The following ZMAT4 variants were observed in gnomAD, a reference collection of about 807,000 sequenced individuals.
ZMAT4 encodes the protein zinc finger matrin-type 4, also known as zinc finger matrin-type protein 4.
In ZMAT4, 17 loss-of-function variants were observed where a neutral mutation model predicts 28.7. The ratio of observed to expected loss-of-function variants is 0.59; its 90% CI spans 0.41 to 0.89. The LOEUF (loss-of-function observed/expected upper bound fraction) is 0.89. Ranked by LOEUF, ZMAT4 falls within the 40% of genes least tolerant of loss-of-function variation. The pLI is 0.00. For synonymous variants in ZMAT4, 117 were observed against 109.2 expected (o/e 1.07, Z -0.44); for missense variants, 240 against 283.8 (o/e 0.85, Z 1.11).
rs1330598231 is a variant in ZMAT4, at chr8:40,770,529, C to T, written c.103-2799G>A. 1.0e-4 allele frequency among the ~76,000 whole-genome samples: 15 copies of T among 146,146 alleles called. No homozygotes were observed. In the Admixed American group the frequency reaches 1.0e-3, roughly 10 times the overall value. On this transcript the variant is annotated intron_variant, in intron 2 of 6. Transcript: ENST00000297737. ...CCCTCCCTCCCTCCCTTTCTTCCTC[C>T]CTTTCTTTCTTTCTCTCTCATTTTT...
At chr8:40,709,992 C>T (rs1436288641) in intron 3 of ZMAT4, among the ~76,000 whole-genome samples, 3 of 145,754 alleles carry the variant, frequency 2.1e-5, no homozygotes, top group Admixed American at 1.4e-4. Flanking sequence ...GAGCCGAGAT[C>T]GTGCCATTGC....
At chr8:40,835,301 A>G (rs1016986128) in intron 1 of ZMAT4, among the ~76,000 whole-genome samples, 1 of 152,112 alleles carries the variant, frequency 6.6e-6, no homozygotes, top group Admixed American at 6.5e-5. Flanking sequence ...GGAATAAAAC[A>G]TGCTCCTTAT....
At chr8:40,809,180 T>C (rs1815216410) in intron 2 of ZMAT4, among the ~76,000 whole-genome samples, 1 of 152,212 alleles carries the variant, frequency 6.6e-6, no homozygotes, top group African/African-American at 2.4e-5. Flanking sequence ...AAGGCCATAA[T>C]CTTAAATAAA....
At chr8:40,721,502 G>A (rs1308826080) in intron 3 of ZMAT4, among the ~76,000 whole-genome samples, 1 of 143,406 alleles carries the variant, frequency 7.0e-6, no homozygotes, top group Non-Finnish European at 1.5e-5. Flanking sequence ...CCAGTAATGG[G>A]ATGGCTGGGT....
At chr8:40,806,985 TG>T (rs1815108409) in intron 2 of ZMAT4, among the ~76,000 whole-genome samples, 6 of 151,894 alleles carry the variant, frequency 4.0e-5, no homozygotes, top group Admixed American at 2.0e-4. Flanking sequence ...TTATGCTATT[TG>T]GCTGACCTAA....
intron 5 of ZMAT4, among the ~76,000 whole-genome samples, chr8:40,603,544 T>C (rs925883461): frequency 4.6e-5 from 7 of 152,244 alleles, no homozygotes; most frequent in Admixed American, 3.3e-4. Flanking sequence ...ATACTGATTC[T>C]ACCTATTCGT....
Position 40,742,197 on chromosome 8 carries a change from G to A in ZMAT4, c.192+25444C>T, listed in dbSNP as rs111862479. ...CAGGAGGTAGAGGTTGCAGTGAGCC[G>A]TGATCATACCACCGCACTCCAGCCT... On this transcript the variant is annotated intron_variant, in intron 3 of 6. Transcript: ENST00000297737. 1.1e-3 allele frequency among the ~76,000 whole-genome samples: 160 copies of A among 151,946 alleles called. 1 individual carries two copies. The East Asian group carries it at 0.029, about 28-fold the overall frequency.
chr8:40,778,797 C>A (rs1563478250), intron 2 of ZMAT4, among the ~76,000 whole-genome samples: 1 of 152,128 alleles, frequency 6.6e-6, no homozygotes, highest in Non-Finnish European at 1.5e-5. Context: ...AGTCTGTTTG[C>A]AGGTTGCTTT....
chr8:40,789,075 G>A (rs1345660254), intron 2 of ZMAT4, among the ~76,000 whole-genome samples: 1 of 149,376 alleles, frequency 6.7e-6, no homozygotes, highest in Non-Finnish European at 1.5e-5. Flanking sequence ...GGGAGGGAAG[G>A]GAGTGAGGGA....
At position 40,890,960 on chromosome 8, in the gene ZMAT4, T is replaced by A. The variant is rs192413736; in HGVS notation, c.-5+6723A>T. On this transcript the variant is annotated intron_variant, in intron 1 of 6. Transcript: ENST00000297737. ...CTCTGCCCACCCCAAATAAGGAGAATCATGGTGTACCCTACACCCAGATGC... is the reference window on the plus strand; with the variant it reads ...CTCTGCCCACCCCAAATAAGGAGAAACATGGTGTACCCTACACCCAGATGC... Among the ~76,000 whole-genome samples the A allele has an allele frequency of 2.6e-5, 4 of 151,806 alleles. No individual in the cohort carries two copies. The East Asian group carries it at 7.9e-4, about 30-fold the overall frequency.
In ZMAT4 at chr8:40,639,197, T is replaced by G. The variant is rs182543411; in HGVS notation, c.577+35507A>C. On this transcript the variant is annotated intron_variant, in intron 5 of 6. Transcript: ENST00000297737. ...GAATTCTTGCATTCAGCTTTGCTGG[T>G]TTTTTTTAGCTTTTTAAATTTCTTA... Among the ~76,000 whole-genome samples the G allele has an allele frequency of 9.1e-4, 138 of 152,180 alleles. 1 individual carries two copies. The highest frequency in any genetic ancestry group is 3.4e-3 in the Middle Eastern group (1 of 294).
intron 6 of ZMAT4, among the ~76,000 whole-genome samples, chr8:40,554,069 T>C (rs1293862045): frequency 6.6e-6 from 1 of 152,184 alleles, no homozygotes. Context: ...TATCATATCA[T>C]AGCATATCAA....
chr8:40,575,007 G>C (rs1019335039), intron 6 of ZMAT4, among the ~76,000 whole-genome samples: 2 of 152,150 alleles, frequency 1.3e-5, no homozygotes, highest in African/African-American at 4.8e-5. Context: ...GACCTGTTCT[G>C]GGGAGCTGAT....
At chr8:40,862,472 A>G (rs1401505491) in intron 1 of ZMAT4, among the ~76,000 whole-genome samples, 1 of 147,906 alleles carries the variant, frequency 6.8e-6, no homozygotes, top group African/African-American at 2.5e-5. Flanking sequence ...CTAATGCTAG[A>G]CGACACGTTA....
At chr8:40,576,146 G>A (rs1401795775) in intron 6 of ZMAT4, among the ~76,000 whole-genome samples, 1 of 151,880 alleles carries the variant, frequency 6.6e-6, no homozygotes, top group Non-Finnish European at 1.5e-5. Flanking sequence ...GAATAAAAAA[G>A]ATGAAGAAAG....
chr8:40,574,387 T>C (rs1804194732), intron 6 of ZMAT4, among the ~76,000 whole-genome samples: 1 of 152,102 alleles, frequency 6.6e-6, no homozygotes, highest in Non-Finnish European at 1.5e-5. Context: ...ACTTTGACTA[T>C]ATAAAACCAA....
At chr8:40,582,711 TA>T (rs2118549884) in intron 5 of ZMAT4, among the ~76,000 whole-genome samples, 1 of 152,330 alleles carries the variant, frequency 6.6e-6, no homozygotes, top group Admixed American at 6.5e-5. Context: ...TTATGCAAAT[TA>T]TTTGACCCTT....
intron 3 of ZMAT4, among the ~76,000 whole-genome samples, chr8:40,713,632 G>A (rs1810717887): frequency 6.6e-6 from 1 of 152,022 alleles, no homozygotes; most frequent in African/African-American, 2.4e-5. Context: ...ATCCAGGCCA[G>A]GCGCAGTGGC....
At chr8:40,737,037 G>T (rs1471423531) in intron 3 of ZMAT4, among the ~76,000 whole-genome samples, 2 of 152,234 alleles carry the variant, frequency 1.3e-5, no homozygotes, top group African/African-American at 2.4e-5. Context: ...AGGTCCAGAA[G>T]TAAGCAGGAG....
Sources: allele counts gnomAD v4.1 joint callset (sites outside exome capture counted in the v4.1 genomes callset), GRCh38; gene constraint gnomAD v4.1.1; transcripts MANE v1.5; gene names NCBI Gene and HGNC (gene_info 2026-07-23, HGNC 2026-07-21).